The following KCNIP1 variants were observed in gnomAD, a reference collection of about 807,000 sequenced individuals.
The protein encoded by KCNIP1 is A-type potassium channel modulatory protein KCNIP1.
In KCNIP1, 18 loss-of-function variants were observed where a neutral mutation model predicts 33.0. The observed-to-expected ratio is 0.55, with a 90% confidence interval of 0.38 to 0.81. KCNIP1 has a LOEUF of 0.81. Ranked by LOEUF, KCNIP1 falls within the 30% of genes least tolerant of loss-of-function variation. The pLI is 0.00. For synonymous variants in KCNIP1, 93 were observed against 98.3 expected, an observed-to-expected ratio of 0.95 and a Z score of 0.32; for missense variants, 238 against 271.6, an observed-to-expected ratio of 0.88 and a Z score of 0.87.
intron 1 of KCNIP1, among the ~76,000 whole-genome samples, chr5:170,706,067 G>A (rs74692033): frequency 0.065 from 9,853 of 152,234 alleles, 362 homozygotes; most frequent in Middle Eastern, 0.12. Context: ...TGCTCTCTGA[G>A]CTCACCAAGA....
At chr5:170,612,323 CT>C (rs1759194133) in intron 1 of KCNIP1, among the ~76,000 whole-genome samples, 1 of 152,244 alleles carries the variant, frequency 6.6e-6, no homozygotes. Flanking sequence ...TGCAAAATGC[CT>C]AGCAAGCTCT....
At chr5:170,639,116 T>G (rs1194818321) in intron 1 of KCNIP1, 1 of 152,234 alleles carries the variant, frequency 6.6e-6, no homozygotes, top group Non-Finnish European at 1.5e-5. Context: ...CCACTACAGC[T>G]GCTGATGATG....
chr5:170,514,983 T>A (rs1000158390), intron 1 of KCNIP1, among the ~76,000 whole-genome samples: 1 of 152,224 alleles, frequency 6.6e-6, no homozygotes, highest in African/African-American at 2.4e-5. Flanking sequence ...ATTATTCCCA[T>A]GTAACAGATG....
chr5:170,635,370 A>C (rs1380215948), intron 1 of KCNIP1, among the ~76,000 whole-genome samples: 2 of 152,162 alleles, frequency 1.3e-5, no homozygotes, highest in Non-Finnish European at 2.9e-5. Flanking sequence ...AGTCTCTTTC[A>C]GTTCTGAATC....
At position 170,612,055 on chromosome 5, in the gene KCNIP1, T is replaced by C. The variant is rs568635352; in HGVS notation, c.62-106703T>C. Among the ~76,000 whole-genome samples, 172 of 152,274 alleles carry C rather than the reference T, an allele frequency of 1.1e-3. 1 individual carries two copies. Among genetic ancestry groups the C allele is most frequent in the Non-Finnish European group, 1.7e-3 (117 of 68,014 alleles). On this transcript the variant is annotated intron_variant, in intron 1 of 7. Transcript: ENST00000328939. ...ACACCTCGATTAATCCACAAGCACT[T>C]AACTGTCTACCCTGTCAGGTTTCCA...
At chr5:170,606,984 T>C (rs537245960) in intron 1 of KCNIP1, among the ~76,000 whole-genome samples, 2 of 152,350 alleles carry the variant, frequency 1.3e-5, no homozygotes, top group East Asian at 3.9e-4. Flanking sequence ...GATCAGATTC[T>C]TAGCTGCACA....
chr5:170,553,727 CA>C (rs1271598322), intron 1 of KCNIP1, among the ~76,000 whole-genome samples: 5 of 152,212 alleles, frequency 3.3e-5, no homozygotes, highest in African/African-American at 1.2e-4. Flanking sequence ...GAGAGGGCCT[CA>C]AACAGGAAAC....
At chr5:170,518,352 A>G (rs555764488) in intron 1 of KCNIP1, among the ~76,000 whole-genome samples, 51 of 152,332 alleles carry the variant, frequency 3.3e-4, no homozygotes, top group African/African-American at 1.2e-3. Context: ...AAAGTAGGAA[A>G]GAATAAGACA....
upstream of KCNIP1, among the ~76,000 whole-genome samples, chr5:170,502,434 T>C (rs1324080984): frequency 4.6e-5 from 7 of 152,208 alleles, no homozygotes; most frequent in Non-Finnish European, 1.0e-4. Flanking sequence ...TCAAGGGGCC[T>C]GTATCCTGGG....
At chr5:170,608,503 G>A (rs967991955) in intron 1 of KCNIP1, among the ~76,000 whole-genome samples, 2 of 152,234 alleles carry the variant, frequency 1.3e-5, no homozygotes, top group African/African-American at 4.8e-5. Flanking sequence ...TGGGCGCAGT[G>A]GCTCACGCCA....
chr5:170,530,579 C>T (rs1054552873), intron 1 of KCNIP1, among the ~76,000 whole-genome samples: 2 of 152,186 alleles, frequency 1.3e-5, no homozygotes, highest in African/African-American at 2.4e-5. Flanking sequence ...CCTTGGGGCT[C>T]AAAATTCAGT....
At chr5:170,568,566 A>G (rs1757279348) in intron 1 of KCNIP1, among the ~76,000 whole-genome samples, 1 of 143,090 alleles carries the variant, frequency 7.0e-6, no homozygotes, top group African/African-American at 2.5e-5. Context: ...TAATCCCAGC[A>G]CTTTGGGAGG....
intron 1 of KCNIP1, among the ~76,000 whole-genome samples, chr5:170,494,167 C>T (rs1757265122): frequency 6.6e-6 from 1 of 152,174 alleles, no homozygotes; most frequent in South Asian, 2.1e-4. Flanking sequence ...CATTGCACAC[C>T]CTGCTCAATG....
intron 1 of KCNIP1, among the ~76,000 whole-genome samples, chr5:170,653,565 ACTTAT>A (rs1036218299): frequency 3.9e-5 from 6 of 152,182 alleles, no homozygotes; most frequent in African/African-American, 1.4e-4. Context: ...AAACAGCTCT[ACTTAT>A]CTTAAGCCAA....
At chr5:170,565,635 G>A (rs1757178677) in intron 1 of KCNIP1, among the ~76,000 whole-genome samples, 1 of 152,112 alleles carries the variant, frequency 6.6e-6, no homozygotes, top group South Asian at 2.1e-4. Context: ...TCTCATTCAA[G>A]TCCATTAATT....
At chr5:170,462,662 G>A (rs1243691053) in intron 1 of KCNIP1, among the ~76,000 whole-genome samples, 2 of 152,074 alleles carry the variant, frequency 1.3e-5, no homozygotes, top group African/African-American at 2.4e-5. Context: ...GTCATTATAC[G>A]AAAAAGATAC....
chr5:170,383,562 G>A lies in KCNIP1; in HGVS notation c.88+29598G>A, dbSNP rs556381141. ...GGGCTGGCTCAGTCTCATTCCAGCT[G>A]TGAGACCTGGTCAAGTGGGTTGATC... On this transcript the variant is annotated intron_variant, in intron 1 of 7. Transcript: ENST00000377360. The A allele has an allele frequency of 1.8e-5, 20 of 1,139,480 alleles. No individual in the cohort carries two copies. In the South Asian group the frequency reaches 2.2e-4, roughly 13 times the overall value. The allele number at this position is 1,139,480 out of a possible 1,614,324, so 70.6% of individuals were successfully genotyped here.
At chr5:170,403,516 T>C (rs1473367945) in intron 1 of KCNIP1, among the ~76,000 whole-genome samples, 1 of 152,170 alleles carries the variant, frequency 6.6e-6, no homozygotes, top group Non-Finnish European at 1.5e-5. Context: ...CCATCAGCCA[T>C]GGAAAGGCCC....
intron 1 of KCNIP1, among the ~76,000 whole-genome samples, chr5:170,401,901 G>A (rs1160842795): frequency 1.3e-5 from 2 of 152,140 alleles, no homozygotes; most frequent in Non-Finnish European, 2.9e-5. Context: ...GTGGTTTAAA[G>A]CAACAGAAAT....
Sources: allele counts gnomAD v4.1 joint callset (sites outside exome capture counted in the v4.1 genomes callset), GRCh38; gene constraint gnomAD v4.1.1; transcripts MANE v1.5; gene names NCBI Gene and HGNC (gene_info 2026-07-23, HGNC 2026-07-21).